QRICH1: variants seen among roughly 807,000 people sequenced by gnomAD.
QRICH1 encodes the protein transcriptional regulator QRICH1.
In QRICH1, 16 loss-of-function variants were observed where a neutral mutation model predicts 87.1. The ratio of observed to expected loss-of-function variants is 0.18; its 90% CI spans 0.12 to 0.28. The LOEUF (loss-of-function observed/expected upper bound fraction) is 0.28, where lower values mean the gene tolerates loss of function less well. QRICH1 is among the 10% of genes least tolerant of loss of function. The pLI, the probability that QRICH1 is intolerant of heterozygous loss-of-function variation, is 1.00. For synonymous variants in QRICH1, 367 were observed against 368.4 expected, an observed-to-expected ratio of 1.00 and a Z score of 0.05; for missense variants, 647 against 951.7, an observed-to-expected ratio of 0.68 and a Z score of 4.21.
intron 3 of QRICH1, among the ~76,000 whole-genome samples, chr3:49,048,330 C>T: frequency 6.6e-6 from 1 of 151,632 alleles, no homozygotes; most frequent in East Asian, 2.0e-4. Flanking sequence ...TGGGGTTTCT[C>T]CATGTTGGTC....
chr3:49,059,139 G>A (rs1352818177), intron 2 of QRICH1, among the ~76,000 whole-genome samples: 1 of 146,904 alleles, frequency 6.8e-6, no homozygotes, highest in East Asian at 2.0e-4. Flanking sequence ...TTTTTTTTTT[G>A]TATTTTTAGT....
At chr3:49,058,565 G>A (rs2093416455) in intron 2 of QRICH1, among the ~76,000 whole-genome samples, 1 of 151,962 alleles carries the variant, frequency 6.6e-6, no homozygotes, top group South Asian at 2.1e-4. Flanking sequence ...ACCTCAACTG[G>A]TCCACCCACC....
At chr3:49,048,865 G>A (rs1384980775) in intron 3 of QRICH1, among the ~76,000 whole-genome samples, 2 of 150,042 alleles carry the variant, frequency 1.3e-5, no homozygotes, top group Non-Finnish European at 3.0e-5. Context: ...GTAAGGTAGA[G>A]GCACATTGTC....
intron 5 of QRICH1, among the ~76,000 whole-genome samples, chr3:49,045,390 T>C (rs2093333616): frequency 6.7e-6 from 1 of 150,258 alleles, no homozygotes; most frequent in African/African-American, 2.5e-5. Context: ...GTTTAGGTAG[T>C]AGGATGAATA....
intron 3 of QRICH1, among the ~76,000 whole-genome samples, chr3:49,049,951 A>G (rs1043599118): frequency 1.3e-5 from 2 of 151,656 alleles, no homozygotes; most frequent in African/African-American, 4.8e-5. Flanking sequence ...ACATAATCCC[A>G]GCACTCTGGA....
chr3:49,090,875 GAAGAGGACTTAA>G (rs1420524457), intron 1 of QRICH1, among the ~76,000 whole-genome samples: 1 of 152,186 alleles, frequency 6.6e-6, no homozygotes, highest in Non-Finnish European at 1.5e-5. Flanking sequence ...AGTGAAGTCT[GAAGAGGACTTAA>G]AACATCTGGA....
intron 2 of QRICH1, among the ~76,000 whole-genome samples, chr3:49,072,245 T>C (rs898436981): frequency 1.3e-5 from 2 of 152,078 alleles, no homozygotes; most frequent in Admixed American, 6.6e-5. Flanking sequence ...ATAATGCCAC[T>C]GCACTCTAGT....
intron 1 of QRICH1, among the ~76,000 whole-genome samples, chr3:49,085,902 A>G (rs1022750225): frequency 2.0e-5 from 3 of 152,148 alleles, no homozygotes; most frequent in Admixed American, 6.5e-5. Context: ...CTTCTAAAAG[A>G]GACAAAAGAT....
chr3:49,089,027 G>C (rs1051458359), intron 1 of QRICH1, among the ~76,000 whole-genome samples: 1 of 151,816 alleles, frequency 6.6e-6, no homozygotes, highest in Non-Finnish European at 1.5e-5. Context: ...CCTGGTTTAG[G>C]GGCATTTTCA....
chr3:49,069,024 A>T (rs1020738818), intron 2 of QRICH1, among the ~76,000 whole-genome samples: 1 of 151,940 alleles, frequency 6.6e-6, no homozygotes, highest in Non-Finnish European at 1.5e-5. Flanking sequence ...GTAGGTTAGA[A>T]ATTTGTGATA....
intron 1 of QRICH1, among the ~76,000 whole-genome samples, chr3:49,092,612 C>T (rs747309149): frequency 5.3e-5 from 8 of 152,088 alleles, no homozygotes; most frequent in Non-Finnish European, 1.2e-4. Flanking sequence ...GCTTCCTATT[C>T]CTTAAGCTTA....
chr3:49,075,141 G>A (rs2041925532), intron 2 of QRICH1, among the ~76,000 whole-genome samples: 1 of 151,412 alleles, frequency 6.6e-6, no homozygotes, highest in African/African-American at 2.4e-5. Flanking sequence ...GGGCAACATA[G>A]GGAGACTATA....
chr3:49,073,704 T>A (rs1047988548), intron 2 of QRICH1, among the ~76,000 whole-genome samples: 16 of 151,784 alleles, frequency 1.1e-4, no homozygotes, highest in African/African-American at 3.9e-4. Context: ...TGGAGTGCAG[T>A]GGCACGATCT....
chr3:49,055,831 A>C (rs1048523542), intron 3 of QRICH1, among the ~76,000 whole-genome samples: 2 of 151,678 alleles, frequency 1.3e-5, no homozygotes, highest in African/African-American at 4.8e-5. Context: ...GGTGTGTGCC[A>C]CCACACCCGG....
intron 3 of QRICH1, among the ~76,000 whole-genome samples, chr3:49,048,901 A>AT (rs1408760377): frequency 6.4e-4 from 90 of 140,234 alleles, no homozygotes; most frequent in Admixed American, 1.0e-3. Flanking sequence ...TTCCCATGTG[A>AT]TTTTTTTTTT....
At chr3:49,034,598 C>T (rs1433792215) in intron 6 of QRICH1, among the ~76,000 whole-genome samples, 8 of 152,146 alleles carry the variant, frequency 5.3e-5, no homozygotes, top group African/African-American at 1.9e-4. Context: ...AGGCGTGAAC[C>T]ACCACGCCTA....
In QRICH1 at chr3:49,057,671, C is replaced by A; in HGVS notation, c.529G>T (p.Ala177Ser). The A allele has an allele frequency of 6.2e-7, 1 of 1,614,204 alleles. No individual in the cohort carries two copies. The highest frequency in any genetic ancestry group is 1.1e-5 in the South Asian group (1 of 91,082). ...AQIQVQHVQA[A>S]QQIQAAEIPE... The stretch of plus-strand genomic sequence containing the variant: ...ATTTCTGCAGCCTGGATCTGCTGGG[C>A]TGCTTGCACGTGCTGCACCTGGATC... Residue 177 changes from alanine (A) to serine (S), a missense_variant, in exon 3 of 10, where the codon GCC becomes TCC. Coordinates refer to ENST00000395443, the MANE Select transcript of QRICH1 (RefSeq NM_198880.3). This position sits in a 1 kb window ranked among gnomAD's most constrained non-coding sequence, Gnocchi z 5.4.
Position 49,029,930 on chromosome 3 carries a change from T to G in QRICH1, c.*522A>C, listed in dbSNP as rs1345370671. The G allele has an allele frequency of 1.2e-5, 2 of 173,024 alleles. No individual in the cohort carries two copies. Among genetic ancestry groups the G allele is most frequent in the East Asian group, 1.7e-4 (1 of 5,962 alleles). 10.7% of individuals were successfully genotyped at this position (173,024 alleles called of 1,614,324 possible). Reference sequence around the variant, plus strand: ...AAATGTCACTTGTCATAAAGGAGGGTGTAATAGAAATTGTCTTTAATAAAT... The same window carrying G: ...AAATGTCACTTGTCATAAAGGAGGGGGTAATAGAAATTGTCTTTAATAAAT... On this transcript the variant is annotated 3_prime_UTR_variant, in exon 10 of 10. Transcript: ENST00000395443.
At chr3:49,052,692 A>G (rs539968620) in intron 3 of QRICH1, among the ~76,000 whole-genome samples, 1 of 151,836 alleles carries the variant, frequency 6.6e-6, no homozygotes, top group Admixed American at 6.6e-5. Flanking sequence ...TTTAGTAGAG[A>G]CGGGGTTTCA....
Sources: gnomAD v4.1 joint callset for allele counts (sites outside exome capture counted in the v4.1 genomes callset) on GRCh38, gnomAD v4.1.1 for gene constraint, Gnocchi (gnomAD v3.1) non-coding constraint, MANE v1.5 for transcripts, NCBI Gene and HGNC (gene_info 2026-07-23, HGNC 2026-07-21) for gene names.